TSHZ2: variants seen among roughly 807,000 people sequenced by gnomAD.
The protein encoded by TSHZ2 is teashirt zinc finger homeobox 2, also known as teashirt homolog 2.
In TSHZ2, 21 loss-of-function variants were observed where a neutral mutation model predicts 74.4. The observed-to-expected ratio is 0.28, with a 90% confidence interval of 0.20 to 0.41. The LOEUF (loss-of-function observed/expected upper bound fraction) is 0.41, where lower values mean the gene tolerates loss of function less well. Ranked by LOEUF, TSHZ2 falls within the 10% of genes least tolerant of loss-of-function variation. The pLI is 1.00. For missense variants in TSHZ2, 1,244 were observed against 1,293.5 expected (o/e 0.96, Z 0.59); for synonymous variants, 540 against 515.3 (o/e 1.05, Z -0.65).
intron 1 of TSHZ2, among the ~76,000 whole-genome samples, chr20:52,976,419 A>C (rs966724671): frequency 1.3e-5 from 2 of 152,212 alleles, no homozygotes; most frequent in African/African-American, 4.8e-5. Flanking sequence ...TTGTGTGTGC[A>C]TGCTTGCTTC....
chr20:53,003,512 T>A (rs887841314), intron 1 of TSHZ2, among the ~76,000 whole-genome samples: 6 of 152,164 alleles, frequency 3.9e-5, no homozygotes, highest in African/African-American at 1.4e-4. Context: ...GTGTCAGCCC[T>A]ATGGAGAAAT....
At chr20:53,080,611 C>T (rs1267403117) in intron 1 of TSHZ2, among the ~76,000 whole-genome samples, 2 of 152,146 alleles carry the variant, frequency 1.3e-5, no homozygotes, top group African/African-American at 4.8e-5. Flanking sequence ...AATGTGCAAC[C>T]TAGATCCCTC....
At chr20:53,484,420 C>G (rs1484525190) in intron 2 of TSHZ2, among the ~76,000 whole-genome samples, 2 of 140,418 alleles carry the variant, frequency 1.4e-5, no homozygotes, top group Admixed American at 7.5e-5. Flanking sequence ...GAGTCTCACT[C>G]TGTTGCCCAA....
rs186190469 is a variant in TSHZ2 at position 53,254,191 on chromosome 20, C to T, written c.733C>T (p.Arg245Cys). 1.2e-4 allele frequency: 201 copies of T among 1,614,052 alleles called. 3 individuals are homozygous for T. In the East Asian group the frequency reaches 3.9e-3, roughly 31 times the overall value. Residue 245 changes from arginine (R) to cysteine (C), a missense_variant, in exon 2 of 3, where the codon CGC becomes TGC. Coordinates refer to ENST00000371497, the MANE Select transcript of TSHZ2 (RefSeq NM_173485.6). ...AACGGGCCACTATCAAGATGACAAC[C>T]GCAAAAAGGACAAGCTCAGACCCAC... ...NETGHYQDDN[R>C]KKDKLRPTSY...
chr20:53,047,894 C>A (rs1984284031), intron 1 of TSHZ2, among the ~76,000 whole-genome samples: 1 of 152,174 alleles, frequency 6.6e-6, no homozygotes, highest in African/African-American at 2.4e-5. Context: ...TAGATTTTCG[C>A]TGACTCTGAA....
chr20:53,060,881 C>T (rs1984800461), intron 1 of TSHZ2, among the ~76,000 whole-genome samples: 1 of 152,166 alleles, frequency 6.6e-6, no homozygotes, highest in African/African-American at 2.4e-5. Flanking sequence ...GCCTCTCTTC[C>T]TCAATGAATC....
intron 1 of TSHZ2, among the ~76,000 whole-genome samples, chr20:53,142,047 T>C (rs1191403435): frequency 1.3e-5 from 2 of 152,210 alleles, no homozygotes; most frequent in Non-Finnish European, 2.9e-5. Context: ...CCATGGACTT[T>C]TCAATACCAT....
chr20:53,480,459 C>G (rs1053641121), intron 2 of TSHZ2, among the ~76,000 whole-genome samples: 1 of 151,694 alleles, frequency 6.6e-6, no homozygotes, highest in Non-Finnish European at 1.5e-5. Context: ...ACCAGCTACT[C>G]AGGCAGCTGA....
intron 1 of TSHZ2, among the ~76,000 whole-genome samples, chr20:52,985,457 T>A (rs1188988445): frequency 6.6e-6 from 1 of 152,212 alleles, no homozygotes; most frequent in African/African-American, 2.4e-5. Context: ...ATCCTCTCCA[T>A]GCCTTGATTT....
intron 1 of TSHZ2, among the ~76,000 whole-genome samples, chr20:53,152,518 C>T (rs941418498): frequency 6.6e-5 from 10 of 152,162 alleles, no homozygotes; most frequent in Non-Finnish European, 2.9e-5. Flanking sequence ...CTGGTTGTTG[C>T]CACACAGAAA....
chr20:53,308,303 T>C (rs940878812), intron 2 of TSHZ2, among the ~76,000 whole-genome samples: 2 of 152,062 alleles, frequency 1.3e-5, no homozygotes, highest in Admixed American at 1.3e-4. Context: ...TTCAGGAAAA[T>C]GTTGATTCTG....
chr20:53,092,055 A>G (rs1985901134), intron 1 of TSHZ2, among the ~76,000 whole-genome samples: 1 of 152,036 alleles, frequency 6.6e-6, no homozygotes, highest in African/African-American at 2.4e-5. Context: ...CAAAAATATA[A>G]CAACAAAACC....
rs147356722 is a variant in TSHZ2, at chr20:53,214,471, T to G, written c.41-39028T>G. Among the ~76,000 whole-genome samples the G allele has an allele frequency of 4.8e-4, 73 of 152,312 alleles. No homozygotes were observed. The East Asian group carries it at 9.6e-3, about 20-fold the overall frequency. On this transcript the variant is annotated intron_variant, in intron 1 of 2. Transcript: ENST00000371497. The stretch of plus-strand genomic sequence containing the variant: ...CTGTAACCTCAACACTTTGGGAGGC[T>G]GAGGCCGGCAGATCACTTGAACTGG...
intron 1 of TSHZ2, among the ~76,000 whole-genome samples, chr20:53,099,095 A>C (rs1255110491): frequency 6.6e-6 from 1 of 152,010 alleles, no homozygotes; most frequent in East Asian, 1.9e-4. Context: ...GACCTCCCCC[A>C]CCACCTCCCA....
At chr20:53,036,628 G>A (rs567581811) in intron 1 of TSHZ2, among the ~76,000 whole-genome samples, 1 of 147,534 alleles carries the variant, frequency 6.8e-6, no homozygotes, top group South Asian at 2.1e-4. Context: ...GAGAGGTTGG[G>A]TTTATTGCAT....
intron 2 of TSHZ2, among the ~76,000 whole-genome samples, chr20:53,290,615 G>A (rs191570556): frequency 5.9e-5 from 9 of 152,194 alleles, no homozygotes; most frequent in South Asian, 2.1e-4. Context: ...CTGTTACTTC[G>A]TTTGGTCTAT....
chr20:53,469,619 AGG>A (rs1985704185), intron 2 of TSHZ2, among the ~76,000 whole-genome samples: 4 of 113,860 alleles, frequency 3.5e-5, no homozygotes, highest in Non-Finnish European at 5.3e-5. Flanking sequence ...ATAGATAGAG[AGG>A]GAGGAAGGGA....
At chr20:53,089,693 A>G (rs1031051573) in intron 1 of TSHZ2, among the ~76,000 whole-genome samples, 1 of 152,234 alleles carries the variant, frequency 6.6e-6, no homozygotes, top group African/African-American at 2.4e-5. Flanking sequence ...CGTGGCTATA[A>G]GAGAACTCCC....
intron 1 of TSHZ2, among the ~76,000 whole-genome samples, chr20:53,014,124 G>A (rs1427971221): frequency 6.6e-6 from 1 of 152,070 alleles, no homozygotes; most frequent in Non-Finnish European, 1.5e-5. Context: ...CATGATCAAG[G>A]TGCTAGCATT....
Sources: gnomAD v4.1 joint callset for allele counts (sites outside exome capture counted in the v4.1 genomes callset) on GRCh38, gnomAD v4.1.1 for gene constraint, MANE v1.5 for transcripts, NCBI Gene and HGNC (gene_info 2026-07-23, HGNC 2026-07-21) for gene names.